The following AK5 variants were observed in gnomAD, a reference collection of about 807,000 sequenced individuals.
AK5 encodes the protein adenylate kinase isoenzyme 5.
A neutral mutation model predicts 69.5 loss-of-function variants in AK5; 27 were observed. The ratio of observed to expected loss-of-function variants is 0.39; its 90% CI spans 0.29 to 0.54. The LOEUF (loss-of-function observed/expected upper bound fraction) is 0.54, where lower values mean the gene tolerates loss of function less well. AK5 is among the 20% of genes least tolerant of loss of function. The pLI, the probability that AK5 is intolerant of heterozygous loss-of-function variation, is 0.71. For missense variants in AK5, 531 were observed against 700.4 expected (o/e 0.76, Z 2.73); for synonymous variants, 260 against 244.4 (o/e 1.06, Z -0.60).
intron 5 of AK5, among the ~76,000 whole-genome samples, chr1:77,305,671 T>C (rs1659594555): frequency 1.3e-5 from 2 of 152,174 alleles, no homozygotes; most frequent in African/African-American, 4.8e-5. Context: ...GATTTATTTC[T>C]GGGTTCTCTA....
chr1:77,427,833 T>A (rs1450519424), intron 8 of AK5, among the ~76,000 whole-genome samples: 2 of 152,240 alleles, frequency 1.3e-5, no homozygotes, highest in Non-Finnish European at 2.9e-5. Flanking sequence ...CCATTGCTTT[T>A]CAGCATTATA....
chr1:77,294,982 T>G lies in AK5; in HGVS notation c.415+1022T>G, dbSNP rs1355587522. 3.9e-5 allele frequency among the ~76,000 whole-genome samples: 6 copies of G among 152,160 alleles called. No homozygotes were observed. In the East Asian group the frequency reaches 1.2e-3, roughly 29 times the overall value. ...AGTTCAAGGTTGCAGTGAACTCCAC[T>G]GCACTCCAGTCTGGGTGACAGAGAG... is the stretch of plus-strand genomic sequence containing the variant. On this transcript the variant is annotated intron_variant, in intron 3 of 13. Coordinates refer to ENST00000354567, the MANE Select transcript of AK5 (RefSeq NM_174858.3).
intron 6 of AK5, among the ~76,000 whole-genome samples, chr1:77,396,260 C>T (rs1648823965): frequency 6.6e-6 from 1 of 152,176 alleles, no homozygotes; most frequent in Non-Finnish European, 1.5e-5. Context: ...TCTTCCTCTG[C>T]CCATGGAGGT....
At chr1:77,521,415 T>C (rs1431731875) in intron 11 of AK5, among the ~76,000 whole-genome samples, 1 of 152,212 alleles carries the variant, frequency 6.6e-6, no homozygotes, top group African/African-American at 2.4e-5. Flanking sequence ...ATTACAGGCA[T>C]GAGCCACCGC....
chr1:77,354,378 A>G (rs931881973), intron 6 of AK5, among the ~76,000 whole-genome samples: 2 of 152,150 alleles, frequency 1.3e-5, no homozygotes, highest in African/African-American at 4.8e-5. Context: ...TGGCTTTAAG[A>G]GCTCCTATAT....
intron 8 of AK5, among the ~76,000 whole-genome samples, chr1:77,423,064 A>G (rs760861302): frequency 1.2e-4 from 18 of 151,826 alleles, no homozygotes; most frequent in Admixed American, 2.0e-4. Flanking sequence ...AAATACAAAA[A>G]CAAAAAATTA....
At chr1:77,328,138 C>A (rs973967665) in intron 5 of AK5, among the ~76,000 whole-genome samples, 1 of 152,124 alleles carries the variant, frequency 6.6e-6, no homozygotes, top group Non-Finnish European at 1.5e-5. Context: ...GAAAAGACAT[C>A]TTGGGGAAAA....
chr1:77,307,977 A>G (rs893649515), intron 5 of AK5, among the ~76,000 whole-genome samples: 2 of 152,158 alleles, frequency 1.3e-5, no homozygotes, highest in Admixed American at 6.5e-5. Context: ...GGAGCTGTCT[A>G]TTCTGACATC....
At chr1:77,388,764 A>G (rs1226285130) in intron 6 of AK5, among the ~76,000 whole-genome samples, 2 of 150,344 alleles carry the variant, frequency 1.3e-5, no homozygotes, top group African/African-American at 4.9e-5. Context: ...AAAAAAAAAG[A>G]TTAATTACAG....
At chr1:77,514,341 A>G (rs1657518901) in intron 10 of AK5, among the ~76,000 whole-genome samples, 1 of 152,194 alleles carries the variant, frequency 6.6e-6, no homozygotes, top group Non-Finnish European at 1.5e-5. Flanking sequence ...CAGAGGACAC[A>G]GCCCACTCAT....
intron 13 of AK5, 41 bp downstream of exon 13, chr1:77,536,079 CT>C (rs372151681): frequency 0.18 from 202,956 of 1,110,904 alleles, 98 homozygotes; most frequent in South Asian, 0.21. Context: ...AGCCGCTTAC[CT>C]TTTTTTTTTT....
intron 8 of AK5, among the ~76,000 whole-genome samples, chr1:77,433,559 T>C (rs1362267445): frequency 6.7e-6 from 1 of 149,880 alleles, no homozygotes; most frequent in Non-Finnish European, 1.5e-5. Flanking sequence ...GAGAACAGAT[T>C]CTTATCAAAC....
intron 10 of AK5, among the ~76,000 whole-genome samples, chr1:77,512,705 A>T (rs1448198831): frequency 1.3e-5 from 2 of 152,166 alleles, no homozygotes; most frequent in African/African-American, 4.8e-5. Flanking sequence ...CTATAAAGAC[A>T]CATGCACACG....
intron 6 of AK5, among the ~76,000 whole-genome samples, chr1:77,401,133 A>T (rs1649188186): frequency 6.6e-6 from 1 of 152,140 alleles, no homozygotes; most frequent in African/African-American, 2.4e-5. Flanking sequence ...ATGGTTCTGC[A>T]AAGTAGTCTC....
At chr1:77,377,332 A>G (rs936865476) in intron 6 of AK5, among the ~76,000 whole-genome samples, 1 of 152,152 alleles carries the variant, frequency 6.6e-6, no homozygotes, top group Non-Finnish European at 1.5e-5. Context: ...AATAAATGTC[A>G]ACACCATCTC....
At chr1:77,319,147 A>G (rs776816007) in intron 5 of AK5, among the ~76,000 whole-genome samples, 28 of 152,208 alleles carry the variant, frequency 1.8e-4, no homozygotes, top group Non-Finnish European at 3.8e-4. Context: ...GGTTCCTTAT[A>G]GGGGCCTTGA....
chr1:77,472,517 G>A (rs1359119814), intron 8 of AK5, among the ~76,000 whole-genome samples: 1 of 151,778 alleles, frequency 6.6e-6, no homozygotes, highest in Non-Finnish European at 1.5e-5. Flanking sequence ...TGCAAGGGAG[G>A]ATGGAAATGC....
chr1:77,455,789 G>T (rs1198163112), intron 8 of AK5, among the ~76,000 whole-genome samples: 1 of 152,136 alleles, frequency 6.6e-6, no homozygotes, highest in Non-Finnish European at 1.5e-5. Context: ...CACCCCCAGA[G>T]ATTCTGAGAA....
At position 77,528,953 on chromosome 1, in the gene AK5, G is replaced by T. The variant is rs780666931; in HGVS notation, c.1429-6894G>T. Among the ~76,000 whole-genome samples, 57 of 152,190 alleles carry T rather than the reference G, an allele frequency of 3.7e-4. 1 individual carries two copies. Among genetic ancestry groups the T allele is most frequent in the Non-Finnish European group, 2.4e-4 (16 of 68,028 alleles). On this transcript the variant is annotated intron_variant, in intron 12 of 13. Transcript: ENST00000354567. ...TACATACCTCAGTGATTGTTGGGAA[G>T]ATTGGATGGGATCCTTGACAAGTGC...
Sources: gnomAD v4.1 joint callset for allele counts (sites outside exome capture counted in the v4.1 genomes callset) on GRCh38, gnomAD v4.1.1 for gene constraint, MANE v1.5 for transcripts, NCBI Gene and HGNC (gene_info 2026-07-23, HGNC 2026-07-21) for gene names.